Variants in LBHD1 observed in about 807,000 individuals in gnomAD.
LBHD1 encodes the protein LBH domain-containing protein 1.
A neutral mutation model predicts 31.1 loss-of-function variants in LBHD1; 28 were observed. The observed-to-expected ratio is 0.90, with a 90% confidence interval of 0.67 to 1.24. The LOEUF (loss-of-function observed/expected upper bound fraction) is 1.24, where lower values mean the gene tolerates loss of function less well. Ranked by LOEUF, LBHD1 falls within the 50% of genes most tolerant of loss-of-function variation. The pLI, the probability that LBHD1 is intolerant of heterozygous loss-of-function variation, is 0.00. For missense variants in LBHD1, 350 were observed against 323.0 expected (o/e 1.08, Z -0.64); for synonymous variants, 105 against 116.5 (o/e 0.90, Z 0.63).
At position 62,667,552 on chromosome 11, in the gene LBHD1, GA is replaced by G. The variant is rs770112982; in HGVS notation, c.508del (p.Ser170ProfsTer121). The G allele has an allele frequency of 6.2e-7, 1 of 1,614,122 alleles. No individual in the cohort carries two copies. The highest frequency in any genetic ancestry group is 8.5e-7 in the Non-Finnish European group (1 of 1,180,012). ...AAAGCTATTAGGAGGCAGGAGATGG[GA>G]ATATTCCACAAAGCCACTTCTACAA... ...RVCRSGFVEY[S>X]HLLPPNSFEG... On this transcript the variant is annotated frameshift_variant, in exon 4 of 7. Transcript: ENST00000354588. LOFTEE classifies it high-confidence loss of function.
At position 62,671,600 on chromosome 11, in the gene LBHD1, C is replaced by G. The variant is rs1379608309; in HGVS notation, c.-47G>C. On this transcript the variant is annotated 5_prime_UTR_variant, in exon 1 of 7. Coordinates refer to ENST00000354588, the MANE Select transcript of LBHD1 (RefSeq NM_024099.5). ...GCGCTCCGGATTCCAAACGTTTCCTCGAGCAGGTCCTCTCTAGCCGGCCGC... is the reference window on the plus strand; with the variant it reads ...GCGCTCCGGATTCCAAACGTTTCCTGGAGCAGGTCCTCTCTAGCCGGCCGC... 2.9e-5 allele frequency: 43 copies of G among 1,484,090 alleles called. No individual in the cohort carries two copies. The highest frequency in any genetic ancestry group is 3.7e-5 in the Non-Finnish European group (42 of 1,125,390). The allele number at this position is 1,484,090 out of a possible 1,614,324, so 91.9% of individuals were successfully genotyped here.
Position 62,669,699 on chromosome 11 carries a change from GAGC to G in LBHD1, c.252_254del (p.Leu85del). 1.9e-6 allele frequency: 3 copies of G among 1,614,210 alleles called. No homozygotes were observed. The highest frequency in any genetic ancestry group is 2.5e-6 in the Non-Finnish European group (3 of 1,180,044). On this transcript the variant is annotated inframe_deletion, in exon 3 of 7. Coordinates refer to ENST00000354588, the MANE Select transcript of LBHD1 (RefSeq NM_024099.5). ...CAGCATCCTCTTCCTCACCATCAGT[GAGC>G]AGCAGCAGCTCCTCATGGGGCAAAT...
chr11:62,665,355 T>G (rs1043324383), intron 4 of LBHD1: 11 of 854,952 alleles, frequency 1.3e-5, no homozygotes, highest in South Asian at 6.0e-5. Flanking sequence ...TTAGCTGTAG[T>G]AGCCAGATTG....
chr11:62,671,743 G>A lies in LBHD1; in HGVS notation c.-190C>T. 2.5e-6 allele frequency: 4 copies of A among 1,613,290 alleles called. No individual in the cohort carries two copies. The highest frequency in any genetic ancestry group is 3.4e-6 in the Non-Finnish European group (4 of 1,179,758). ...GGGCGCTCCGCTGGCTGTGCAGGCG[G>A]CCATGGATTCCTTGCGGAAAATGCT... On this transcript the variant is annotated 5_prime_UTR_variant, in exon 1 of 7. Transcript: ENST00000354588.
Position 62,669,957 on chromosome 11 carries a change from T to G in LBHD1, c.75A>C (p.Pro25=). 1 of 1,614,142 alleles carries G rather than the reference T, an allele frequency of 6.2e-7. No individual in the cohort carries two copies. Among genetic ancestry groups the G allele is most frequent in the African/African-American group, 1.3e-5 (1 of 75,052 alleles). Residue 25 remains proline (P), a synonymous_variant, in exon 2 of 7, where the codon CCA becomes CCC. Coordinates refer to ENST00000354588, the MANE Select transcript of LBHD1 (RefSeq NM_024099.5). ...TRNSPGSSQH[P]ESPRLPNPLW... ...GAGGGTTGGGCAGCCTGGGACTTTC[T>G]GGATGCTGGGAGGAGCCTGGGCTAT...
At chr11:62,671,367 CCA>C (rs1225446783) in intron 1 of LBHD1, 195 bp downstream of exon 1, 2 of 1,281,338 alleles carry the variant, frequency 1.6e-6, no homozygotes, top group Non-Finnish European at 2.0e-6. Flanking sequence ...CTGCAGGAAA[CCA>C]CAGAGCACAG....
rs1944947285 is a variant in LBHD1, at chr11:62,671,696, T to TG, written c.-144dup. 2 of 1,603,948 alleles carry TG rather than the reference T, an allele frequency of 1.2e-6. No individual in the cohort carries two copies. Among genetic ancestry groups the TG allele is most frequent in the Non-Finnish European group, 1.7e-6 (2 of 1,175,068 alleles). On this transcript the variant is annotated 5_prime_UTR_variant, in exon 1 of 7. The change creates a premature stop within an existing upstream ORF in the 5' untranslated region. Transcript: ENST00000354588. ...GTAGTGAGACCGCGCGGCAACAGCT[T>TG]GCGGCTGCGGGGAGCTCCCGTGGGC...
At chr11:62,667,389 C>T in intron 4 of LBHD1, 134 bp downstream of exon 4, 1 of 896,402 alleles carries the variant, frequency 1.1e-6, no homozygotes, top group South Asian at 1.5e-5. Flanking sequence ...CCTGCGCTGA[C>T]TGACTTGTAT....
rs1021396703 is a variant in LBHD1 at position 62,671,345 on chromosome 11, AC to A, written c.-11+218del. ...ATGCCCTCCATGCGCTGTGTTGAAAACGCGCGGGTGACTGCAGGAAACCACA... is the reference window on the plus strand; with the variant it reads ...ATGCCCTCCATGCGCTGTGTTGAAAAGCGCGGGTGACTGCAGGAAACCACA... On this transcript the variant is annotated intron_variant, in intron 1 of 6. Transcript: ENST00000354588. The A allele has an allele frequency of 7.9e-5, 94 of 1,185,540 alleles. No homozygotes were observed. The African/African-American group carries it at 1.4e-3, about 18-fold the overall frequency. The allele number at this position is 1,185,540 out of a possible 1,614,324, so 73.4% of individuals were successfully genotyped here.
At chr11:62,665,666 C>T in intron 4 of LBHD1, 3 of 1,470,030 alleles carry the variant, frequency 2.0e-6, no homozygotes, top group South Asian at 1.3e-5. Context: ...CGCTGTATAC[C>T]CTCCTCCACT....
At chr11:62,666,396 G>C in intron 4 of LBHD1, 1 of 1,608,230 alleles carries the variant, frequency 6.2e-7, no homozygotes, top group Non-Finnish European at 8.5e-7. Flanking sequence ...GTGCCCACAG[G>C]CTCACTGGCT....
intron 1 of LBHD1, 89 bp from the exon 2 acceptor site, chr11:62,670,130 G>A: frequency 4.4e-6 from 6 of 1,358,774 alleles, no homozygotes; most frequent in Non-Finnish European, 5.0e-6. Context: ...TTGGAGCCTG[G>A]CCCCTTAAGC....
rs148572859 is a variant in LBHD1, at chr11:62,663,292, C to A, written c.705G>T (p.Ala235=). The change falls in exon 6 of 7, where the codon GCG becomes GCT. Residue 235 remains alanine, a synonymous_variant. Transcript: ENST00000354588. Reference sequence around the variant, plus strand: ...CCGGATCTGCTGGAGGAGTTTTCTGCGCTTCTTCCCTGACAGTGTAATGTT... The same window carrying A: ...CCGGATCTGCTGGAGGAGTTTTCTGAGCTTCTTCCCTGACAGTGTAATGTT... ...TCQHYTVREE[A]QKTPPADPAC... 1.2e-6 allele frequency: 2 copies of A among 1,614,166 alleles called. No individual in the cohort carries two copies. Among genetic ancestry groups the A allele is most frequent in the Middle Eastern group, 1.6e-4 (1 of 6,062 alleles).
At position 62,669,709 on chromosome 11, in the gene LBHD1, AG is replaced by A; in HGVS notation, c.244del (p.Leu82CysfsTer36). The part of the protein sequence containing the change: ...SGDLHLPHEE[L>X]LLLTDGEEED... Reference sequence around the variant, plus strand: ...TTCCTCACCATCAGTGAGCAGCAGCAGCTCCTCATGGGGCAAATGGAGATCC... The same window carrying A: ...TTCCTCACCATCAGTGAGCAGCAGCACTCCTCATGGGGCAAATGGAGATCC... On this transcript the variant is annotated frameshift_variant, in exon 3 of 7. Transcript: ENST00000354588. LOFTEE classifies it high-confidence loss of function. The A allele has an allele frequency of 6.2e-7, 1 of 1,614,134 alleles. No individual in the cohort carries two copies. Among genetic ancestry groups the A allele is most frequent in the Non-Finnish European group, 8.5e-7 (1 of 1,180,024 alleles).
At chr11:62,670,127 C>T (rs1367066794) in intron 1 of LBHD1, 86 bp from the exon 2 acceptor site, 5 of 1,406,592 alleles carry the variant, frequency 3.6e-6, no homozygotes, top group African/African-American at 1.4e-5. Flanking sequence ...TCTTTGGAGC[C>T]TGGCCCCTTA....
intron 1 of LBHD1, 160 bp downstream of exon 1, chr11:62,671,404 C>A: frequency 7.9e-7 from 1 of 1,259,234 alleles, no homozygotes; most frequent in Non-Finnish European, 1.0e-6. Context: ...GATCGGGAAA[C>A]GTCGGAAGAC....
In LBHD1 at chr11:62,664,993, G is replaced by A; in HGVS notation, c.539-20C>T. 1 of 1,607,630 alleles carries A rather than the reference G, an allele frequency of 6.2e-7. No homozygotes were observed. Among genetic ancestry groups the A allele is most frequent in the African/African-American group, 1.3e-5 (1 of 75,056 alleles). Reference sequence around the variant, plus strand: ...CAGCTCCTGCCGGGGAGAAAGATGCGAATCAGATGGAGTGGGCTCGCCGCG... The same window carrying A: ...CAGCTCCTGCCGGGGAGAAAGATGCAAATCAGATGGAGTGGGCTCGCCGCG... On this transcript the variant is annotated intron_variant, in intron 4 of 6. Coordinates refer to ENST00000354588, the MANE Select transcript of LBHD1 (RefSeq NM_024099.5).
chr11:62,668,241 A>T (rs977855887), intron 3 of LBHD1: 1 of 155,332 alleles, frequency 6.4e-6, no homozygotes, highest in Admixed American at 6.3e-5. Context: ...GCTTCTTGGG[A>T]GGCTGAGGCG....
At chr11:62,663,464 T>G (rs897278560) in intron 5 of LBHD1, 131 bp from the exon 6 acceptor site, 2 of 893,174 alleles carry the variant, frequency 2.2e-6, no homozygotes, top group Admixed American at 3.0e-5. Flanking sequence ...CCCAGCACTT[T>G]GGGAGGCCGA....
Sources: allele counts gnomAD v4.1 joint callset, GRCh38; gene constraint gnomAD v4.1.1; transcripts MANE v1.5; gene names NCBI Gene and HGNC (gene_info 2026-07-23, HGNC 2026-07-21).